PALM2AKAP2: variants seen among roughly 807,000 people sequenced by gnomAD.
PALM2AKAP2 encodes PALM2-AKAP2 fusion protein.
A neutral mutation model predicts 71.5 loss-of-function variants in PALM2AKAP2; 37 were observed. The observed-to-expected ratio is 0.52, with a 90% confidence interval of 0.40 to 0.68. The LOEUF (loss-of-function observed/expected upper bound fraction) is 0.68. Ranked by LOEUF, PALM2AKAP2 falls within the 30% of genes least tolerant of loss-of-function variation. The pLI is 0.00. For missense variants in PALM2AKAP2, 1,224 were observed against 1,191.8 expected, an observed-to-expected ratio of 1.03 and a Z score of -0.40; for synonymous variants, 468 against 478.8, an observed-to-expected ratio of 0.98 and a Z score of 0.29.
intron 6 of PALM2AKAP2, among the ~76,000 whole-genome samples, chr9:109,959,575 G>T (rs540092841): frequency 6.6e-6 from 1 of 151,196 alleles, no homozygotes; most frequent in African/African-American, 2.4e-5. Context: ...AACCCGGGAG[G>T]CGGAACTTGC....
intron 3 of PALM2AKAP2, among the ~76,000 whole-genome samples, chr9:109,886,426 G>A (rs1829969111): frequency 6.6e-6 from 1 of 152,180 alleles, no homozygotes; most frequent in South Asian, 2.1e-4. Context: ...TTACTAAAGT[G>A]TTTGAAATAC....
At chr9:109,755,367 A>G (rs1156346343) in intron 1 of PALM2AKAP2, among the ~76,000 whole-genome samples, 2 of 151,090 alleles carry the variant, frequency 1.3e-5, no homozygotes, top group South Asian at 4.2e-4. Flanking sequence ...TGGCCTTCAG[A>G]CTCTTTCTGT....
At chr9:109,931,566 G>A (rs1182489780) in intron 5 of PALM2AKAP2, among the ~76,000 whole-genome samples, 1 of 152,184 alleles carries the variant, frequency 6.6e-6, no homozygotes, top group African/African-American at 2.4e-5. Flanking sequence ...TACATTTCTA[G>A]TTCCATGTTT....
chr9:110,030,905 T>C (rs1833267622), intron 7 of PALM2AKAP2, among the ~76,000 whole-genome samples: 1 of 152,188 alleles, frequency 6.6e-6, no homozygotes, highest in Non-Finnish European at 1.5e-5. Context: ...TCACTTATGC[T>C]TACTATCATT....
intron 1 of PALM2AKAP2, among the ~76,000 whole-genome samples, chr9:109,738,067 T>C (rs968598817): frequency 1.3e-5 from 2 of 152,108 alleles, no homozygotes; most frequent in South Asian, 2.1e-4. Flanking sequence ...GGTACCAATA[T>C]TGGAAAAAAA....
chr9:110,037,523 A>G (rs975633502), intron 7 of PALM2AKAP2, among the ~76,000 whole-genome samples: 8 of 152,218 alleles, frequency 5.3e-5, no homozygotes, highest in African/African-American at 1.9e-4. Flanking sequence ...CAAATATTTA[A>G]TGAGCACCTA....
intron 1 of PALM2AKAP2, among the ~76,000 whole-genome samples, chr9:110,082,311 C>T (rs1564294513): frequency 6.6e-6 from 1 of 152,160 alleles, no homozygotes; most frequent in Non-Finnish European, 1.5e-5. Context: ...CCACCTCAGC[C>T]TCCCAAAGTG....
At chr9:109,708,889 T>C (rs1828183458) in intron 1 of PALM2AKAP2, among the ~76,000 whole-genome samples, 1 of 152,132 alleles carries the variant, frequency 6.6e-6, no homozygotes, top group African/African-American at 2.4e-5. Flanking sequence ...AAACCTAGAC[T>C]CAGGACAAGA....
chr9:109,884,700 C>G (rs1439440044), intron 3 of PALM2AKAP2, among the ~76,000 whole-genome samples: 3 of 152,058 alleles, frequency 2.0e-5, no homozygotes, highest in Admixed American at 2.0e-4. Flanking sequence ...TAGATTTGGG[C>G]CCCCTAGTCT....
In PALM2AKAP2 at chr9:110,014,834, A is replaced by G. The variant is rs1248433821; in HGVS notation, c.497-1120A>G. 8.4e-5 allele frequency among the ~76,000 whole-genome samples: 11 copies of G among 131,386 alleles called. 1 individual carries two copies. The highest frequency in any genetic ancestry group is 1.4e-4 in the African/African-American group (5 of 35,414). 86.2% of individuals were successfully genotyped at this position (131,386 alleles called of 152,430 possible). A position where few individuals can be genotyped will look rare whatever the true frequency, so the allele number is the denominator to read the frequency against. ...TATATATATATATATATATATATAT[A>G]TATATATATATATATATACACACAC... On this transcript the variant is annotated intron_variant, in intron 6 of 9. Transcript: ENST00000302798.
chr9:110,042,445 A>G (rs1018159684), intron 7 of PALM2AKAP2, among the ~76,000 whole-genome samples: 2 of 152,216 alleles, frequency 1.3e-5, no homozygotes, highest in African/African-American at 2.4e-5. Flanking sequence ...AGAAAAGCCA[A>G]TGATGCTTAA....
chr9:109,982,402 A>G (rs1832289923), intron 6 of PALM2AKAP2, among the ~76,000 whole-genome samples: 1 of 152,190 alleles, frequency 6.6e-6, no homozygotes, highest in Non-Finnish European at 1.5e-5. Context: ...GATAGCACGA[A>G]GGGTAACTAC....
chr9:109,831,900 T>G (rs1342210034), intron 1 of PALM2AKAP2, among the ~76,000 whole-genome samples: 1 of 152,190 alleles, frequency 6.6e-6, no homozygotes, highest in Admixed American at 6.5e-5. Flanking sequence ...ACTTGAGCTA[T>G]CAGTTAAATT....
intron 1 of PALM2AKAP2, among the ~76,000 whole-genome samples, chr9:109,758,711 A>G (rs1364786970): frequency 1.3e-5 from 2 of 152,168 alleles, no homozygotes; most frequent in Non-Finnish European, 2.9e-5. Flanking sequence ...TTGCTGTTTA[A>G]TGAAATCTCA....
At chr9:110,095,147 CTTTT>C (rs1834806660) in intron 1 of PALM2AKAP2, among the ~76,000 whole-genome samples, 1 of 152,134 alleles carries the variant, frequency 6.6e-6, no homozygotes, top group Admixed American at 6.6e-5. Context: ...GACGGCTGGG[CTTTT>C]TTTCTTATGC....
chr9:109,817,276 A>G (rs1308475050), intron 1 of PALM2AKAP2, among the ~76,000 whole-genome samples: 1 of 152,178 alleles, frequency 6.6e-6, no homozygotes, highest in South Asian at 2.1e-4. Flanking sequence ...TCAGAGGCCA[A>G]TTTTGAGCTA....
At chr9:109,840,313 AT>A (rs777078124) in intron 1 of PALM2AKAP2, among the ~76,000 whole-genome samples, 65 of 152,364 alleles carry the variant, frequency 4.3e-4, no homozygotes, top group Middle Eastern at 3.4e-3. Context: ...GGCTAGCCAT[AT>A]GTAGAAAGCT....
chr9:109,642,684 A>G (rs909276699), intron 1 of PALM2AKAP2, among the ~76,000 whole-genome samples: 2 of 150,932 alleles, frequency 1.3e-5, no homozygotes, highest in African/African-American at 4.9e-5. Flanking sequence ...CAGCCTTCTG[A>G]TGGGACTACA....
intron 3 of PALM2AKAP2, among the ~76,000 whole-genome samples, chr9:109,883,413 G>A (rs1225655158): frequency 1.2e-4 from 18 of 152,120 alleles, no homozygotes; most frequent in Non-Finnish European, 2.5e-4. Context: ...AATGGGCACT[G>A]GATGTGTGCT....
Sources: allele counts gnomAD v4.1 joint callset (sites outside exome capture counted in the v4.1 genomes callset), GRCh38; gene constraint gnomAD v4.1.1; transcripts MANE v1.5; gene names NCBI Gene and HGNC (gene_info 2026-07-23, HGNC 2026-07-21).